CSMD3: variants seen among roughly 807,000 people sequenced by gnomAD.
CSMD3 encodes the protein CUB and Sushi multiple domains 3, also known as CUB and sushi domain-containing protein 3.
In CSMD3, 177 loss-of-function variants were observed where a neutral mutation model predicts 435.2. That is an observed-to-expected ratio of 0.41 (90% CI 0.36 to 0.46). The LOEUF (loss-of-function observed/expected upper bound fraction) is 0.46, where lower values mean the gene tolerates loss of function less well. Ranked by LOEUF, CSMD3 falls within the 20% of genes least tolerant of loss-of-function variation. CSMD3 has a pLI of 0.34. For missense variants in CSMD3, 4,265 were observed against 4,504.6 expected (o/e 0.95, Z 1.52); for synonymous variants, 1,656 against 1,520.5 (o/e 1.09, Z -2.07).
rs199514303 is a variant in CSMD3, at chr8:112,360,443, T to C, written c.6137-7909A>G. ...AATGTTTGTGAAGGTGTTTTAACTT[T>C]TTAAAAAATGACACAAAACTCTATA... is the stretch of plus-strand genomic sequence containing the variant. On this transcript the variant is annotated intron_variant, in intron 38 of 70. Transcript: ENST00000297405. Among the ~76,000 whole-genome samples, 3 of 151,972 alleles carry C rather than the reference T, an allele frequency of 2.0e-5. No homozygotes were observed. The East Asian group carries it at 5.8e-4, about 29-fold the overall frequency.
chr8:112,696,473 G>GA lies in CSMD3; in HGVS notation c.1973-6424dup, dbSNP rs570908718. ...AAACCTGAGAAAAACAAGCAATGGGGAAAGGATTCCCTATTTAATAAATGG... is the reference window on the plus strand; with the variant it reads ...AAACCTGAGAAAAACAAGCAATGGGGAAAAGGATTCCCTATTTAATAAATGG... On this transcript the variant is annotated intron_variant, in intron 13 of 70. Transcript: ENST00000297405. Among the ~76,000 whole-genome samples, 85 of 152,224 alleles carry GA rather than the reference G, an allele frequency of 5.6e-4. 1 individual carries two copies. The East Asian group carries it at 0.015, about 27-fold the overall frequency.
At position 112,237,212 on chromosome 8, in the gene CSMD3, G is replaced by A. The variant is rs1309266690; in HGVS notation, c.10605C>T (p.Ser3535=). 6.2e-7 allele frequency: 1 copy of A among 1,613,540 alleles called. No individual in the cohort carries two copies. Among genetic ancestry groups the A allele is most frequent in the Non-Finnish European group, 8.5e-7 (1 of 1,179,592 alleles). ...TGRVNATLSN[S]NMELLLSGVY... ...TACCTGAAAGTAGCAGCTCCATGTT[G>A]CTATTGCTCAGTGTTGCGTTAACTC... Residue 3535 remains serine (S), a synonymous_variant, in exon 67 of 71, where the codon AGC becomes AGT. Coordinates refer to ENST00000297405, the MANE Select transcript of CSMD3 (RefSeq NM_198123.2).
chr8:112,356,591 C>G (rs1015122907), intron 38 of CSMD3, among the ~76,000 whole-genome samples: 1 of 151,410 alleles, frequency 6.6e-6, no homozygotes, highest in African/African-American at 2.4e-5. Flanking sequence ...ATTCCACTTC[C>G]CATGTGTCTC....
At chr8:113,337,174 T>C (rs2094082633) in intron 1 of CSMD3, among the ~76,000 whole-genome samples, 1 of 152,098 alleles carries the variant, frequency 6.6e-6, no homozygotes, top group African/African-American at 2.4e-5. Context: ...TAAAAGGAAA[T>C]TCCAGAGAAC....
intron 4 of CSMD3, among the ~76,000 whole-genome samples, chr8:113,138,810 A>AGTGTGTGT (rs34755068): frequency 0.028 from 4,095 of 145,682 alleles, 74 homozygotes; most frequent in African/African-American, 0.051. Flanking sequence ...TAAACGTGTT[A>AGTGTGTGT]GTGTGTGTGT....
At chr8:112,266,166 C>T (rs1392014195) in intron 59 of CSMD3, among the ~76,000 whole-genome samples, 1 of 152,108 alleles carries the variant, frequency 6.6e-6, no homozygotes, top group Admixed American at 6.6e-5. Context: ...TAGGGACTGT[C>T]ACTGCTCTGT....
At chr8:112,972,634 G>A (rs1303804415) in intron 7 of CSMD3, among the ~76,000 whole-genome samples, 1 of 151,798 alleles carries the variant, frequency 6.6e-6, no homozygotes, top group Admixed American at 6.6e-5. Flanking sequence ...GAAATATGTA[G>A]AGATTTCATT....
rs113652603 is a variant in CSMD3, at chr8:113,086,118, G to A, written c.917+12638C>T. On this transcript the variant is annotated intron_variant, in intron 5 of 70. Transcript: ENST00000297405. ...CAAAAATTAGCCAGGCGTGGGTGGC[G>A]GGCGACTGTAGTCCCAGCTACTCGG... 5.8e-3 allele frequency among the ~76,000 whole-genome samples: 877 copies of A among 151,928 alleles called. 8 individuals are homozygous for A. Among genetic ancestry groups the A allele is most frequent in the Non-Finnish European group, 6.1e-3 (413 of 67,956 alleles).
chr8:113,072,116 A>C (rs2089147623), intron 5 of CSMD3, among the ~76,000 whole-genome samples: 1 of 151,738 alleles, frequency 6.6e-6, no homozygotes, highest in South Asian at 2.1e-4. Context: ...TTGTTGTTTC[A>C]ATATAAAAAT....
intron 35 of CSMD3, among the ~76,000 whole-genome samples, chr8:112,397,488 T>A (rs1490927975): frequency 6.6e-6 from 1 of 152,188 alleles, no homozygotes; most frequent in Non-Finnish European, 1.5e-5. Flanking sequence ...ATTCAGGCCA[T>A]AGCAAAATAC....
At chr8:112,879,838 T>C (rs1044003138) in intron 10 of CSMD3, among the ~76,000 whole-genome samples, 4 of 151,892 alleles carry the variant, frequency 2.6e-5, no homozygotes, top group Admixed American at 1.3e-4. Context: ...CCAAACACCA[T>C]ACGTTCTCAC....
At chr8:113,287,547 T>C (rs1296450769) in intron 2 of CSMD3, among the ~76,000 whole-genome samples, 2 of 151,986 alleles carry the variant, frequency 1.3e-5, no homozygotes, top group East Asian at 3.9e-4. Flanking sequence ...TGAGAGCAAA[T>C]GACCTGAAGC....
intron 1 of CSMD3, among the ~76,000 whole-genome samples, chr8:113,426,453 C>A (rs893369679): frequency 2.7e-5 from 4 of 150,404 alleles, no homozygotes; most frequent in East Asian, 3.9e-4. Flanking sequence ...CCTCAAATAT[C>A]CTTCAAATAA....
intron 38 of CSMD3, among the ~76,000 whole-genome samples, chr8:112,372,986 T>TA (rs1828565248): frequency 1.6e-5 from 2 of 121,352 alleles, no homozygotes; most frequent in African/African-American, 5.2e-5. Context: ...TATATATATA[T>TA]TTATATTTTA....
At chr8:112,733,163 A>C (rs2077112487) in intron 13 of CSMD3, among the ~76,000 whole-genome samples, 1 of 152,130 alleles carries the variant, frequency 6.6e-6, no homozygotes, top group Non-Finnish European at 1.5e-5. Flanking sequence ...TATGCCTAAT[A>C]AAATAATAAT....
intron 10 of CSMD3, among the ~76,000 whole-genome samples, chr8:112,888,260 C>T (rs2081669024): frequency 6.6e-6 from 1 of 151,528 alleles, no homozygotes; most frequent in Admixed American, 6.6e-5. Flanking sequence ...TCTCTAGGGA[C>T]ATAAATTTCT....
intron 7 of CSMD3, among the ~76,000 whole-genome samples, chr8:112,959,527 T>C (rs2084152649): frequency 6.6e-6 from 1 of 151,932 alleles, no homozygotes; most frequent in South Asian, 2.1e-4. Context: ...TATGTTTTTG[T>C]TTATTTCTGC....
chr8:113,197,295 C>CTATA (rs57906563), intron 3 of CSMD3, among the ~76,000 whole-genome samples: 2 of 149,036 alleles, frequency 1.3e-5, no homozygotes, highest in African/African-American at 4.9e-5. Flanking sequence ...TGCCTTCAGC[C>CTATA]TATATATATA....
intron 10 of CSMD3, among the ~76,000 whole-genome samples, chr8:112,888,507 T>A (rs73346011): frequency 0.061 from 9,304 of 151,578 alleles, 959 homozygotes; most frequent in African/African-American, 0.21. Context: ...GGTGAGGCGT[T>A]GAAACAAGCC....
Sources: gnomAD v4.1 joint callset for allele counts (sites outside exome capture counted in the v4.1 genomes callset) on GRCh38, gnomAD v4.1.1 for gene constraint, MANE v1.5 for transcripts, NCBI Gene and HGNC (gene_info 2026-07-23, HGNC 2026-07-21) for gene names.